SYT1: variants seen among roughly 807,000 people sequenced by gnomAD.
SYT1 encodes synaptotagmin 1, also known as synaptotagmin-1.
Under a neutral mutation model 44.8 loss-of-function variants are expected in SYT1, and 8 were observed. That is an observed-to-expected ratio of 0.18 (90% CI 0.10 to 0.32). The LOEUF is 0.32. Among genes scored for constraint, SYT1 ranks in the 10% least tolerant of loss-of-function variants. SYT1 has a pLI of 1.00. For synonymous variants in SYT1, 154 were observed against 188.8 expected, an observed-to-expected ratio of 0.82 and a Z score of 1.51; for missense variants, 286 against 509.3, an observed-to-expected ratio of 0.56 and a Z score of 4.22.
At chr12:79,144,727 G>A (rs190903525) in intron 3 of SYT1, among the ~76,000 whole-genome samples, 1 of 152,304 alleles carries the variant, frequency 6.6e-6, no homozygotes, top group Non-Finnish European at 1.5e-5. Context: ...AAATTGGCGT[G>A]GGATAAGCTT....
At chr12:79,210,949 TGA>T (rs1874408484) in intron 3 of SYT1, among the ~76,000 whole-genome samples, 2 of 150,974 alleles carry the variant, frequency 1.3e-5, no homozygotes, top group Non-Finnish European at 1.5e-5. Flanking sequence ...TTTTTTTTTT[TGA>T]AAATCTGACA....
At chr12:79,316,355 A>G (rs562578689) in intron 8 of SYT1, among the ~76,000 whole-genome samples, 15 of 152,286 alleles carry the variant, frequency 9.8e-5, no homozygotes, top group Middle Eastern at 3.4e-3. Flanking sequence ...GCTAAGTGGT[A>G]TTCTATTATG....
intron 3 of SYT1, among the ~76,000 whole-genome samples, chr12:79,060,759 A>T (rs572370475): frequency 2.0e-5 from 3 of 152,056 alleles, no homozygotes; most frequent in Non-Finnish European, 4.4e-5. Flanking sequence ...TCTTTTTGCC[A>T]ATTCTTTGAT....
intron 3 of SYT1, among the ~76,000 whole-genome samples, chr12:79,214,026 C>A (rs1224951279): frequency 2.6e-5 from 4 of 152,156 alleles, no homozygotes; most frequent in Non-Finnish European, 5.9e-5. Flanking sequence ...CATTTTATTT[C>A]CATAAATATG....
intron 3 of SYT1, among the ~76,000 whole-genome samples, chr12:79,174,096 T>C (rs76210841): frequency 0.06 from 9,079 of 152,082 alleles, 393 homozygotes; most frequent in Middle Eastern, 0.12. Flanking sequence ...AATGGATTAA[T>C]GCCCAGAGAT....
chr12:78,983,725 C>A (rs1053130426), intron 2 of SYT1, among the ~76,000 whole-genome samples: 1 of 151,874 alleles, frequency 6.6e-6, no homozygotes, highest in African/African-American at 2.4e-5. Context: ...TCAAGAAGAA[C>A]TAAAAGGATA....
At position 78,890,859 on chromosome 12, in the gene SYT1, G is replaced by A. The variant is rs560086615; in HGVS notation, c.-217+25750G>A. 1.8e-3 allele frequency among the ~76,000 whole-genome samples: 266 copies of A among 151,898 alleles called. 2 individuals carry two copies. Among genetic ancestry groups the A allele is most frequent in the African/African-American group, 6.2e-3 (259 of 41,484 alleles). ...ATTTTAAATATTGCTCTAAATTCAA[G>A]GCTTGGCTGAAGAGTAACCATCTGC... On this transcript the variant is annotated intron_variant, in intron 1 of 10. Coordinates refer to ENST00000261205, the MANE Select transcript of SYT1 (RefSeq NM_005639.3).
intron 3 of SYT1, among the ~76,000 whole-genome samples, chr12:79,096,598 C>T (rs1026008291): frequency 1.3e-5 from 2 of 151,888 alleles, no homozygotes; most frequent in African/African-American, 4.8e-5. Context: ...GACAGAGTTT[C>T]CCCTTGAAAG....
At chr12:79,379,273 A>T (rs1161669287) in intron 9 of SYT1, among the ~76,000 whole-genome samples, 1 of 152,158 alleles carries the variant, frequency 6.6e-6, no homozygotes, top group East Asian at 1.9e-4. Flanking sequence ...TTACTTAATT[A>T]GGTTAACAAG....
At chr12:79,337,084 T>C (rs1882124901) in intron 8 of SYT1, among the ~76,000 whole-genome samples, 1 of 150,598 alleles carries the variant, frequency 6.6e-6, no homozygotes, top group African/African-American at 2.5e-5. Flanking sequence ...CCCCCCAGTG[T>C]TGGGACCCCT....
chr12:78,994,039 C>G (rs1163839518), intron 2 of SYT1, among the ~76,000 whole-genome samples: 1 of 152,204 alleles, frequency 6.6e-6, no homozygotes, highest in Non-Finnish European at 1.5e-5. Context: ...TGACCCAAAA[C>G]TTTACAACTC....
intron 2 of SYT1, among the ~76,000 whole-genome samples, chr12:79,041,093 A>C (rs1469389035): frequency 6.6e-6 from 1 of 152,026 alleles, no homozygotes; most frequent in East Asian, 1.9e-4. Context: ...CTTAAGATTG[A>C]CTTGGCAATG....
intron 3 of SYT1, among the ~76,000 whole-genome samples, chr12:79,184,990 T>C (rs1012759520): frequency 5.3e-5 from 8 of 152,064 alleles, no homozygotes; most frequent in African/African-American, 1.9e-4. Flanking sequence ...GCTGTGTTCT[T>C]ACCGCAAGAG....
intron 9 of SYT1, among the ~76,000 whole-genome samples, chr12:79,363,750 T>A (rs931482582): frequency 6.6e-6 from 1 of 151,086 alleles, no homozygotes; most frequent in African/African-American, 2.4e-5. Flanking sequence ...AAAAAAAAAA[T>A]TGTACTTTAT....
At chr12:79,370,632 G>A (rs893645227) in intron 9 of SYT1, among the ~76,000 whole-genome samples, 2 of 151,998 alleles carry the variant, frequency 1.3e-5, no homozygotes, top group African/African-American at 4.8e-5. Flanking sequence ...GCATGGTGAC[G>A]GGCGCCTGTA....
At chr12:79,019,115 G>A (rs1872009310) in intron 2 of SYT1, among the ~76,000 whole-genome samples, 2 of 151,834 alleles carry the variant, frequency 1.3e-5, no homozygotes, top group Non-Finnish European at 2.9e-5. Context: ...CAATCAACAA[G>A]CAGTTTTTGA....
intron 3 of SYT1, among the ~76,000 whole-genome samples, chr12:79,071,175 G>A (rs1158527069): frequency 6.6e-6 from 1 of 152,136 alleles, no homozygotes; most frequent in Non-Finnish European, 1.5e-5. Context: ...TTCAGGGTGT[G>A]TGTTTGAGAG....
chr12:79,445,709 T>G (rs1030545405), intron 10 of SYT1, among the ~76,000 whole-genome samples: 2 of 150,460 alleles, frequency 1.3e-5, no homozygotes, highest in Admixed American at 1.3e-4. Flanking sequence ...GTTGGACACC[T>G]AGGTTAATTC....
At chr12:79,444,759 T>C (rs188483964) in intron 10 of SYT1, among the ~76,000 whole-genome samples, 96 of 152,276 alleles carry the variant, frequency 6.3e-4, no homozygotes, top group Non-Finnish European at 5.1e-4. Flanking sequence ...AGCCTTAATA[T>C]GCCAGACAAT....
Sources: gnomAD v4.1 joint callset for allele counts (sites outside exome capture counted in the v4.1 genomes callset) on GRCh38, gnomAD v4.1.1 for gene constraint, MANE v1.5 for transcripts, NCBI Gene and HGNC (gene_info 2026-07-23, HGNC 2026-07-21) for gene names.